Variants in UBAP2 observed in about 807,000 individuals in gnomAD.
UBAP2 encodes the protein ubiquitin associated protein 2.
Under a neutral mutation model 139.6 loss-of-function variants are expected in UBAP2, and 75 were observed. The ratio of observed to expected loss-of-function variants is 0.54; its 90% CI spans 0.45 to 0.65. The LOEUF is 0.65. Among genes scored for constraint, UBAP2 ranks in the 30% least tolerant of loss-of-function variants. UBAP2 has a pLI of 0.00. For synonymous variants in UBAP2, 526 were observed against 526.2 expected (o/e 1.00, Z 0.01); for missense variants, 1,368 against 1,369.6 (o/e 1.00, Z 0.02).
intron 4 of UBAP2, among the ~76,000 whole-genome samples, chr9:33,991,871 C>G (rs1253609160): frequency 6.6e-6 from 1 of 152,198 alleles, no homozygotes; most frequent in Admixed American, 6.5e-5. Flanking sequence ...CATCTTTACA[C>G]AGCCTCGCCG....
intron 9 of UBAP2, among the ~76,000 whole-genome samples, chr9:33,962,308 T>C (rs765610508): frequency 1.1e-4 from 16 of 152,226 alleles, no homozygotes; most frequent in Non-Finnish European, 2.2e-4. Flanking sequence ...TTATACATGA[T>C]ATGTAGTAAG....
chr9:33,956,177 T>C (rs770012989), intron 10 of UBAP2, 31 bp from the exon 11 acceptor site: 14 of 1,554,406 alleles, frequency 9.0e-6, no homozygotes, highest in Admixed American at 1.7e-5. Flanking sequence ...TTTAATCTTA[T>C]TCTACATACT....
At chr9:33,939,206 T>TTTTTTTTTTTTTTTTTTTTTTTTTC (rs575154458) in intron 16 of UBAP2, among the ~76,000 whole-genome samples, 1 of 138,316 alleles carries the variant, frequency 7.2e-6, no homozygotes, top group Non-Finnish European at 1.6e-5. Context: ...TTTTTTTTTT[T>TTTTTTTTTTTTTTTTTTTTTTTTTC]TTTTTGAGAT....
At chr9:33,991,216 G>C (rs1346018502) in intron 4 of UBAP2, among the ~76,000 whole-genome samples, 2 of 152,122 alleles carry the variant, frequency 1.3e-5, no homozygotes, top group African/African-American at 4.8e-5. Context: ...AACCTAGAAG[G>C]CTTGAACCTG....
At chr9:33,961,635 T>G (rs1275323253) in intron 9 of UBAP2, among the ~76,000 whole-genome samples, 1 of 152,154 alleles carries the variant, frequency 6.6e-6, no homozygotes, top group Non-Finnish European at 1.5e-5. Flanking sequence ...GGAAATACAC[T>G]AAGAAATTAA....
At chr9:33,926,771 G>A in intron 21 of UBAP2, 107 bp from the exon 22 acceptor site, 1 of 1,214,604 alleles carries the variant, frequency 8.2e-7, no homozygotes, top group Non-Finnish European at 1.2e-6. Flanking sequence ...ACACACCCGG[G>A]AATGGGATCT....
At chr9:34,027,349 C>T (rs553785491) in intron 1 of UBAP2, among the ~76,000 whole-genome samples, 6 of 152,134 alleles carry the variant, frequency 3.9e-5, no homozygotes, top group South Asian at 2.1e-4. Flanking sequence ...GGTGTGGTGG[C>T]GCATGCCTGT....
intron 1 of UBAP2, among the ~76,000 whole-genome samples, chr9:34,034,320 G>A (rs1189130817): frequency 6.6e-6 from 1 of 152,054 alleles, no homozygotes; most frequent in African/African-American, 2.4e-5. Flanking sequence ...TCAAGTCCTG[G>A]TTTTTCTTTT....
At chr9:33,972,543 G>A (rs1827992189) in intron 7 of UBAP2, among the ~76,000 whole-genome samples, 1 of 152,172 alleles carries the variant, frequency 6.6e-6, no homozygotes, top group African/African-American at 2.4e-5. Context: ...GCTTTTCTTG[G>A]AGCCAATTCC....
Position 33,922,788 on chromosome 9 carries a change from C to A in UBAP2, c.3163G>T (p.Ala1055Ser), listed in dbSNP as rs1363833617. The change falls in exon 28 of 29, where the codon GCG (alanine) becomes TCG (serine). Residue 1055 changes from alanine (A) to serine (S), a missense_variant. Ala to Ser is a moderately conservative substitution (Grantham distance 99). Transcript: ENST00000379238. The stretch of plus-strand genomic sequence containing the variant: ...GGTGGGGGTGCATAGCCAGGGGCCG[C>A]TCCCGAGGCCAGGGGCCCAGTGGAG... Reference protein sequence around the residue: ...LGSTGPLASGAAPGYAPPPFL... With the variant: ...LGSTGPLASGSAPGYAPPPFL... 2 of 1,560,880 alleles carry A rather than the reference C, an allele frequency of 1.3e-6. No homozygotes were observed. The highest frequency in any genetic ancestry group is 1.7e-6 in the Non-Finnish European group (2 of 1,153,272).
chr9:34,043,135 C>A (rs772745404), intron 1 of UBAP2, among the ~76,000 whole-genome samples: 148 of 152,144 alleles, frequency 9.7e-4, no homozygotes, highest in Non-Finnish European at 1.7e-3. Context: ...GACAACTCTA[C>A]ATGTTTTTAT....
intron 21 of UBAP2, 21 bp downstream of exon 21, chr9:33,926,968 G>C (rs1465440921): frequency 6.2e-7 from 1 of 1,611,614 alleles, no homozygotes; most frequent in Non-Finnish European, 8.5e-7. Context: ...GGGCAGGCCA[G>C]GAGTTCCGCC....
intron 11 of UBAP2, among the ~76,000 whole-genome samples, chr9:33,954,154 G>A (rs1161678858): frequency 2.0e-5 from 3 of 151,974 alleles, no homozygotes; most frequent in Non-Finnish European, 4.4e-5. Context: ...TGAGCTGCCT[G>A]CTTTGGCCTC....
chr9:33,962,944 A>C (rs1827181702), intron 9 of UBAP2, among the ~76,000 whole-genome samples: 1 of 150,704 alleles, frequency 6.6e-6, no homozygotes, highest in African/African-American at 2.4e-5. Context: ...GCACCATTGC[A>C]CTCCAGCCTG....
At position 33,948,479 on chromosome 9, in the gene UBAP2, TA is replaced by T. The variant is rs749052982; in HGVS notation, c.1164del (p.Phe388LeufsTer51). Reference protein sequence around the residue: ...DQLKAPSLGQFTTTPSTQQNS... With the variant: ...DQLKAPSLGQXTTTPSTQQNS... ...TTCTGCTGTGTACTTGGGGTGGTGG[TA>T]AACTGGCCCAAACTCGGAGCTTTCA... is the stretch of plus-strand genomic sequence containing the variant. On this transcript the variant is annotated frameshift_variant, in exon 13 of 29. Coordinates refer to ENST00000379238, the MANE Select transcript of UBAP2 (RefSeq NM_001370062.2). LOFTEE classifies it high-confidence loss of function. 2 of 1,614,144 alleles carry T rather than the reference TA, an allele frequency of 1.2e-6. No individual in the cohort carries two copies.
intron 2 of UBAP2, among the ~76,000 whole-genome samples, chr9:34,002,459 C>G (rs867469817): frequency 6.7e-6 from 1 of 150,076 alleles, no homozygotes; most frequent in African/African-American, 2.5e-5. Flanking sequence ...CTCACTGCAA[C>G]CTCCATCTCC....
At position 33,989,050 on chromosome 9, in the gene UBAP2, TTC is replaced by T. The variant is rs1399139115; in HGVS notation, c.363_364del (p.Lys122GlufsTer27). The T allele has an allele frequency of 6.2e-7, 1 of 1,614,000 alleles. No homozygotes were observed. The highest frequency in any genetic ancestry group is 8.5e-7 in the Non-Finnish European group (1 of 1,180,024). On this transcript the variant is annotated frameshift_variant, in exon 5 of 29. Transcript: ENST00000379238. LOFTEE classifies it high-confidence loss of function. ...ACGACTCGATTCTTTCTCGCTTTTC[TTC>T]TCTCTATTCTCTTTGTTTTCTGAAT...
At chr9:33,980,876 G>C (rs539851706) in intron 6 of UBAP2, among the ~76,000 whole-genome samples, 1 of 151,176 alleles carries the variant, frequency 6.6e-6, no homozygotes, top group East Asian at 2.0e-4. Context: ...GAGCCTGGGA[G>C]GTGGAGAGTG....
intron 6 of UBAP2, among the ~76,000 whole-genome samples, chr9:33,979,594 A>T (rs550513327): frequency 2.6e-5 from 4 of 151,934 alleles, no homozygotes; most frequent in Non-Finnish European, 5.9e-5. Flanking sequence ...AAAAATAAAA[A>T]ATAACTGGCC....
Sources: allele counts gnomAD v4.1 joint callset (sites outside exome capture counted in the v4.1 genomes callset), GRCh38; gene constraint gnomAD v4.1.1; transcripts MANE v1.5; gene names NCBI Gene and HGNC (gene_info 2026-07-23, HGNC 2026-07-21).